TTYH1: variants seen among roughly 807,000 people sequenced by gnomAD.
TTYH1 encodes tweety family member 1, also known as protein tweety homolog 1.
A neutral mutation model predicts 61.2 loss-of-function variants in TTYH1; 33 were observed. That is an observed-to-expected ratio of 0.54 (90% CI 0.41 to 0.72). The LOEUF is 0.72. Ranked by LOEUF, TTYH1 falls within the 30% of genes least tolerant of loss-of-function variation. The pLI is 0.00. For missense variants in TTYH1, 538 were observed against 575.8 expected (o/e 0.93, Z 0.67); for synonymous variants, 308 against 266.4 (o/e 1.16, Z -1.52).
At chr19:54,430,286 G>C (rs1391921798) in intron 7 of TTYH1, among the ~76,000 whole-genome samples, 2 of 152,204 alleles carry the variant, frequency 1.3e-5, no homozygotes, top group African/African-American at 4.8e-5. Context: ...CAGGAATGGG[G>C]AGTTTGGCCC....
In TTYH1 at chr19:54,421,602, C is replaced by G. The variant is rs766801300; in HGVS notation, c.417+214C>G. 2.6e-5 allele frequency among the ~76,000 whole-genome samples: 4 copies of G among 152,084 alleles called. No individual in the cohort carries two copies. The highest frequency in any genetic ancestry group is 5.9e-5 in the Non-Finnish European group (4 of 67,996). The stretch of plus-strand genomic sequence containing the variant: ...GAGGACCTCACACACAGGCCCAGCC[C>G]TGGACCTTACCTGGAACCCCCAAGC... On this transcript the variant is annotated intron_variant, in intron 3 of 13. Coordinates refer to ENST00000376530, the MANE Select transcript of TTYH1 (RefSeq NM_020659.4). This position sits in a 1 kb window ranked among gnomAD's most constrained non-coding sequence, Gnocchi z 4.8.
chr19:54,422,047 TTACTCAATCCTCA>T (rs1438366493), intron 3 of TTYH1, 130 bp from the exon 4 acceptor site: 1 of 657,906 alleles, frequency 1.5e-6, no homozygotes, highest in African/African-American at 1.8e-5. Context: ...ATCCCTTCCC[TTACTCAATCCTCA>T]GATGTCCCAG....
At position 54,436,563 on chromosome 19, in the gene TTYH1, G is replaced by A. The variant is rs114476583; in HGVS notation, c.*273G>A. On this transcript the variant is annotated 3_prime_UTR_variant, in exon 14 of 14. Coordinates refer to ENST00000376530, the MANE Select transcript of TTYH1 (RefSeq NM_020659.4). This position sits in a 1 kb window ranked among gnomAD's most constrained non-coding sequence, Gnocchi z 4.3. The stretch of plus-strand genomic sequence containing the variant: ...TCGCACCCTTCATCCCTGGCTGCCG[G>A]TCCCATCCTTGGAGGGACTAAGCTG... 1.8e-3 allele frequency: 1,151 copies of A among 644,736 alleles called. 12 individuals are homozygous for A. The African/African-American group carries it at 0.019, about 10-fold the overall frequency. 39.9% of individuals were successfully genotyped at this position (644,736 alleles called of 1,614,324 possible). A position where few individuals can be genotyped will look rare whatever the true frequency, so the allele number is the denominator to read the frequency against.
In TTYH1 at chr19:54,421,357, C is replaced by G. The variant is rs764890259; in HGVS notation, c.386C>G (p.Ala129Gly). The change falls in exon 3 of 14, where the codon GCC becomes GGC. Residue 129 changes from alanine to glycine, a missense_variant. By Grantham distance (60) the Ala-to-Gly change is moderately conservative. Coordinates refer to ENST00000376530, the MANE Select transcript of TTYH1 (RefSeq NM_020659.4). This position sits in a 1 kb window ranked among gnomAD's most constrained non-coding sequence, Gnocchi z 4.8. ...VSQLSSALLH[A>G]NHTLSTIDHL... Reference sequence around the variant, plus strand: ...CAGCTCAGCTCTGCGCTGCTGCACGCCAACCACACACTCAGCACCATTGAC... The same window carrying G: ...CAGCTCAGCTCTGCGCTGCTGCACGGCAACCACACACTCAGCACCATTGAC... The G allele has an allele frequency of 1.2e-6, 2 of 1,613,780 alleles. No individual in the cohort carries two copies. The highest frequency in any genetic ancestry group is 4.5e-5 in the East Asian group (2 of 44,880).
chr19:54,426,626 G>C (rs773048493), intron 4 of TTYH1, 47 bp from the exon 5 acceptor site: 2 of 1,506,428 alleles, frequency 1.3e-6, no homozygotes, highest in South Asian at 2.3e-5. Flanking sequence ...CCGCCGGGGT[G>C]CCTGGAGGCA....
At chr19:54,423,604 C>T (rs962183839) in intron 4 of TTYH1, among the ~76,000 whole-genome samples, 2 of 152,198 alleles carry the variant, frequency 1.3e-5, no homozygotes, top group Non-Finnish European at 2.9e-5. Flanking sequence ...GCCTTGGTTT[C>T]CCCATCTGTG....
At position 54,426,734 on chromosome 19, in the gene TTYH1, G is replaced by C; in HGVS notation, c.700G>C (p.Gly234Arg). The change falls in exon 5 of 14, where the codon GGC (glycine) becomes CGC (arginine). Residue 234 changes from glycine (G) to arginine (R), a missense_variant. By Grantham distance (125) the Gly-to-Arg change is moderately radical. Coordinates refer to ENST00000376530, the MANE Select transcript of TTYH1 (RefSeq NM_020659.4). The stretch of plus-strand genomic sequence containing the variant: ...GCTGGTCTGCCTCTTCACCCTCCTG[G>C]GCCTGGCGAAGCAGAGCAAGTGGCT... ...ELLVCLFTLL[G>R]LAKQSKWLVI... 4 of 1,614,014 alleles carry C rather than the reference G, an allele frequency of 2.5e-6. No homozygotes were observed. The highest frequency in any genetic ancestry group is 3.4e-6 in the Non-Finnish European group (4 of 1,180,022).
intron 10 of TTYH1, chr19:54,433,711 T>TGAA (rs2083484224): frequency 6.9e-6 from 1 of 145,450 alleles, no homozygotes; most frequent in African/African-American, 2.5e-5. Flanking sequence ...CCATCTCTAT[T>TGAA]AAAAAAAAAA....
intron 5 of TTYH1, 75 bp downstream of exon 5, chr19:54,426,843 C>T: frequency 7.4e-7 from 1 of 1,343,130 alleles, no homozygotes. Context: ...TCTTACAACT[C>T]TCCTACACGG....
rs755467168 is a variant in TTYH1, at chr19:54,430,799, T to C, written c.940-14T>C. ...TACTCCTGGGTCCTCCTCCCTCCCT[T>C]TCTCTTTCTGCAGAGGCTGACTCTG... On this transcript the variant is annotated splice_polypyrimidine_tract_variant and intron_variant, in intron 8 of 13. Coordinates refer to ENST00000376530, the MANE Select transcript of TTYH1 (RefSeq NM_020659.4). 4 of 1,613,376 alleles carry C rather than the reference T, an allele frequency of 2.5e-6. No individual in the cohort carries two copies. Among genetic ancestry groups the C allele is most frequent in the Non-Finnish European group, 3.4e-6 (4 of 1,179,614 alleles).
At chr19:54,426,416 T>C (rs3745429) in intron 4 of TTYH1, 58,124 of 548,700 alleles carry the variant, frequency 0.11, 4,815 homozygotes, top group African/African-American at 0.31. Context: ...CACATGTGTG[T>C]GGCCCGGCCA....
intron 5 of TTYH1, among the ~76,000 whole-genome samples, chr19:54,427,582 C>T (rs949883811): frequency 9.4e-5 from 14 of 149,430 alleles, no homozygotes; most frequent in Non-Finnish European, 1.5e-4. Context: ...CCAGCCTGGG[C>T]GACACAGTGA....
At position 54,426,572 on chromosome 19, in the gene TTYH1, G is replaced by A. The variant is rs1165293035; in HGVS notation, c.639-101G>A. 3.3e-6 allele frequency: 3 copies of A among 898,676 alleles called. No homozygotes were observed. In the East Asian group the frequency reaches 7.2e-5, roughly 22 times the overall value. The allele number at this position is 898,676 out of a possible 1,614,324, so 55.7% of individuals were successfully genotyped here. ...GAGCTTGGAGGGTGGTGAATGTGAGGCTGAGCTGGGGGGCAGGGTGAATGC... is the reference window on the plus strand; with the variant it reads ...GAGCTTGGAGGGTGGTGAATGTGAGACTGAGCTGGGGGGCAGGGTGAATGC... On this transcript the variant is annotated intron_variant, in intron 4 of 13. Transcript: ENST00000376530.
Position 54,421,412 on chromosome 19 carries a change from AC to A in TTYH1, c.417+28del. 3 of 1,499,944 alleles carry A rather than the reference AC, an allele frequency of 2.0e-6. No homozygotes were observed. Among genetic ancestry groups the A allele is most frequent in the Non-Finnish European group, 2.8e-6 (3 of 1,075,982 alleles). The allele number at this position is 1,499,944 out of a possible 1,614,324, so 92.9% of individuals were successfully genotyped here. A position where few individuals can be genotyped will look rare whatever the true frequency, so the allele number is the denominator to read the frequency against. On this transcript the variant is annotated intron_variant, in intron 3 of 13. Coordinates refer to ENST00000376530, the MANE Select transcript of TTYH1 (RefSeq NM_020659.4). This position sits in a 1 kb window ranked among gnomAD's most constrained non-coding sequence, Gnocchi z 4.8. ...TGGTGAGGGGCCAGCAACCAGTGGG[AC>A]CCCAGACCCACACCTGGACGGGCTC...
Position 54,431,229 on chromosome 19 carries a change from G to T in TTYH1, c.1125+38G>T, listed in dbSNP as rs534031062. On this transcript the variant is annotated intron_variant, in intron 10 of 13. Coordinates refer to ENST00000376530, the MANE Select transcript of TTYH1 (RefSeq NM_020659.4). ...CCCTCCCAATTTCTTCTCCCACGGG[G>T]GGCCTCTGTCTCGACCCACAGAACT... The T allele has an allele frequency of 4.6e-6, 7 of 1,508,022 alleles. No individual in the cohort carries two copies. In the South Asian group the frequency reaches 7.9e-5, roughly 17 times the overall value. 93.4% of individuals were successfully genotyped at this position (1,508,022 alleles called of 1,614,324 possible).
intron 9 of TTYH1, 60 bp downstream of exon 9, chr19:54,430,965 ATGGAGCTGTGGGGCGTAGGCGGGGC>A: frequency 1.4e-6 from 2 of 1,401,248 alleles, no homozygotes. Context: ...ACGGGGCGGG[ATGGAGCTGTGGGGCGTAGGCGGGGC>A]TGCAGAGCTA....
Position 54,436,431 on chromosome 19 carries a change from C to A in TTYH1, c.*141C>A. The A allele has an allele frequency of 5.7e-6, 9 of 1,584,334 alleles. No individual in the cohort carries two copies. The highest frequency in any genetic ancestry group is 7.8e-6 in the Non-Finnish European group (9 of 1,153,546). ...ATGGACAGCCTGCACAGGACCGCCT[C>A]CCTGCTCTTGGCCACTGTGCTCCCA... On this transcript the variant is annotated 3_prime_UTR_variant, in exon 14 of 14. Transcript: ENST00000376530. The surrounding 1 kb of genome is among the most constrained non-coding windows in gnomAD (Gnocchi z 4.3).
At chr19:54,430,460 C>T in intron 7 of TTYH1, 90 bp from the exon 8 acceptor site, 1 of 1,443,798 alleles carries the variant, frequency 6.9e-7, no homozygotes, top group Non-Finnish European at 9.7e-7. Context: ...GGCCCCTAAC[C>T]CTGCTAACCC....
intron 4 of TTYH1, among the ~76,000 whole-genome samples, chr19:54,424,679 T>G (rs2083287369): frequency 6.6e-6 from 1 of 152,106 alleles, no homozygotes; most frequent in Non-Finnish European, 1.5e-5. Flanking sequence ...ATCTTCCGGG[T>G]GCACCACTGC....
Sources: allele counts gnomAD v4.1 joint callset (sites outside exome capture counted in the v4.1 genomes callset), GRCh38; gene constraint gnomAD v4.1.1; non-coding constraint Gnocchi (gnomAD v3.1); transcripts MANE v1.5; gene names NCBI Gene and HGNC (gene_info 2026-07-23, HGNC 2026-07-21).